The following FUBP1 variants were observed in gnomAD, a reference collection of about 807,000 sequenced individuals.
FUBP1 encodes far upstream element binding protein 1.
A neutral mutation model predicts 94.9 loss-of-function variants in FUBP1; 16 were observed. That is an observed-to-expected ratio of 0.17 (90% CI 0.11 to 0.26). The LOEUF is 0.26. FUBP1 is among the 10% of genes least tolerant of loss of function. The pLI is 1.00. For synonymous variants in FUBP1, 279 were observed against 254.9 expected, an observed-to-expected ratio of 1.09 and a Z score of -0.90; for missense variants, 583 against 808.6, an observed-to-expected ratio of 0.72 and a Z score of 3.38.
At chr1:77,949,123 T>A in intron 19 of FUBP1, 32 bp downstream of exon 19, 1 of 1,587,624 alleles carries the variant, frequency 6.3e-7, no homozygotes, top group Non-Finnish European at 8.6e-7. Flanking sequence ...CAGACTGGAG[T>A]AGAAATCAAC....
rs60897865 is a variant in FUBP1, at chr1:77,948,625, C to CAAAAA, written c.*136_*140dup. 12 of 980,794 alleles carry CAAAAA rather than the reference C, an allele frequency of 1.2e-5. No individual in the cohort carries two copies. The highest frequency in any genetic ancestry group is 1.2e-4 in the African/African-American group (5 of 42,616). 60.8% of individuals were successfully genotyped at this position (980,794 alleles called of 1,614,324 possible). On this transcript the variant is annotated 3_prime_UTR_variant, in exon 20 of 20. Transcript: ENST00000370768. ...TAGTGATAGATATTTTGTACATTTT[C>CAAAAA]AAAAAAAAAAAAAAAAAAGGAAACA...
In FUBP1 at chr1:77,949,005, C is replaced by A. The variant is rs370810484; in HGVS notation, c.1926+150G>T. ...GAAAGCATTATAAAAAACAAAAAAA[C>A]CCAAACAATACACCGTAGTACTTCA... On this transcript the variant is annotated intron_variant, in intron 19 of 19. Transcript: ENST00000370768. 1.2e-5 allele frequency: 11 copies of A among 943,768 alleles called. No individual in the cohort carries two copies. The East Asian group carries it at 2.8e-4, about 24-fold the overall frequency. The allele number at this position is 943,768 out of a possible 1,614,324, so 58.5% of individuals were successfully genotyped here. A position where few individuals can be genotyped will look rare whatever the true frequency, so the allele number is the denominator to read the frequency against.
chr1:77,970,205 C>G (rs890163161), intron 1 of FUBP1, among the ~76,000 whole-genome samples, 190 bp from the exon 2 acceptor site: 1 of 152,086 alleles, frequency 6.6e-6, no homozygotes, highest in Non-Finnish European at 1.5e-5. Context: ...ACATAATAAT[C>G]ATAAGATTAT....
intron 18 of FUBP1, 114 bp downstream of exon 18, chr1:77,955,141 C>A: frequency 3.5e-6 from 2 of 571,048 alleles, no homozygotes; most frequent in East Asian, 3.2e-5. Context: ...TAATTTACAA[C>A]TGTCTTGATA....
intron 19 of FUBP1, 125 bp from the exon 20 acceptor site, chr1:77,948,899 C>T (rs1248816805): frequency 1.5e-6 from 2 of 1,321,190 alleles, no homozygotes; most frequent in Non-Finnish European, 2.1e-6. Context: ...TGGCTTCTTG[C>T]ATGATTTGCA....
At chr1:77,948,937 T>A in intron 19 of FUBP1, 163 bp from the exon 20 acceptor site, 1 of 1,105,254 alleles carries the variant, frequency 9.0e-7, no homozygotes, top group Non-Finnish European at 1.4e-6. Context: ...AATTTATTTT[T>A]AAAATCAAAG....
intron 16 of FUBP1, among the ~76,000 whole-genome samples, chr1:77,958,165 A>G (rs912071090): frequency 2.0e-5 from 3 of 152,208 alleles, no homozygotes; most frequent in Admixed American, 2.0e-4. Context: ...TTGAGATAAA[A>G]CAGACTTTAG....
At chr1:77,967,396 AC>A (rs1264827258) in intron 4 of FUBP1, among the ~76,000 whole-genome samples, 2 of 152,166 alleles carry the variant, frequency 1.3e-5, no homozygotes, top group East Asian at 3.8e-4. Context: ...ACTCTAATTC[AC>A]CCCTGTTCTT....
In FUBP1 at chr1:77,964,145, C is replaced by G. The variant is rs774448594; in HGVS notation, c.958G>C (p.Glu320Gln). The G allele has an allele frequency of 1.2e-6, 2 of 1,606,640 alleles. No individual in the cohort carries two copies. Among genetic ancestry groups the G allele is most frequent in the Non-Finnish European group, 1.7e-6 (2 of 1,173,156 alleles). ...QFKPDDGTTP[E>Q]RIAQITGPPD... is the part of the protein sequence containing the mutation. ...GGTCCTGTTATTTGTGCTATCCTTT[C>G]GGGTGTTGTCCCATCATCTTCAAAA... is the stretch of plus-strand genomic sequence containing the variant. The change falls in exon 12 of 20, where the codon GAA becomes CAA. Residue 320 changes from glutamate (E) to glutamine (Q), a missense_variant. Physicochemically the swap from Glu to Gln is conservative, Grantham distance 29 (BLOSUM62 2). Transcript: ENST00000370768.
At chr1:77,960,029 C>G (rs888184810) in intron 16 of FUBP1, among the ~76,000 whole-genome samples, 155 bp downstream of exon 16, 1 of 152,178 alleles carries the variant, frequency 6.6e-6, no homozygotes, top group African/African-American at 2.4e-5. Flanking sequence ...CATGTCAGTC[C>G]TATACACTGG....
chr1:77,959,708 A>G (rs1254811374), intron 16 of FUBP1, among the ~76,000 whole-genome samples: 1 of 152,036 alleles, frequency 6.6e-6, no homozygotes, highest in African/African-American at 2.4e-5. Flanking sequence ...ATTTAAAACA[A>G]ATTTTTTTAG....
At chr1:77,959,523 T>A (rs1291301204) in intron 16 of FUBP1, among the ~76,000 whole-genome samples, 1 of 152,116 alleles carries the variant, frequency 6.6e-6, no homozygotes, top group African/African-American at 2.4e-5. Flanking sequence ...GTTATATATA[T>A]ATATTTATAT....
At position 77,960,514 on chromosome 1, in the gene FUBP1, C is replaced by G. The variant is rs1348964989; in HGVS notation, c.1345-19G>C. The stretch of plus-strand genomic sequence containing the variant: ...CTGGGCCCTACAAAAAAAAGGATGA[C>G]ATAGAAAAATCAGAAAAACACAGTA... On this transcript the variant is annotated intron_variant, in intron 14 of 19. Transcript: ENST00000370768. 6.3e-7 allele frequency: 1 copy of G among 1,586,170 alleles called. No homozygotes were observed. Among genetic ancestry groups the G allele is most frequent in the Non-Finnish European group, 8.6e-7 (1 of 1,166,614 alleles).
intron 16 of FUBP1, among the ~76,000 whole-genome samples, 185 bp downstream of exon 16, chr1:77,959,999 A>G (rs931434891): frequency 9.9e-5 from 15 of 152,230 alleles, no homozygotes; most frequent in Admixed American, 6.5e-5. Context: ...AAGAAATTCC[A>G]TAAAAGCAGA....
At chr1:77,978,798 T>G in intron 1 of FUBP1, 87 bp downstream of exon 1, 5 of 1,500,030 alleles carry the variant, frequency 3.3e-6, no homozygotes, top group Non-Finnish European at 4.6e-6. Context: ...TCTTTCCTCT[T>G]CCTCATGCGC....
At chr1:77,973,463 C>T (rs1168346308) in intron 1 of FUBP1, among the ~76,000 whole-genome samples, 2 of 151,312 alleles carry the variant, frequency 1.3e-5, no homozygotes, top group African/African-American at 4.9e-5. Context: ...CCAGGCTGGT[C>T]TTGAACTCCT....
At chr1:77,966,064 A>T (rs1458393089) in intron 7 of FUBP1, among the ~76,000 whole-genome samples, 2 of 152,248 alleles carry the variant, frequency 1.3e-5, no homozygotes, top group Non-Finnish European at 2.9e-5. Context: ...CTAACAATGC[A>T]GAAGAAAGTA....
chr1:77,948,555 C>A lies in FUBP1; in HGVS notation c.*211G>T. ...GTACATCTACACTAAATACTAAAAA[C>A]AAACCAATTTTCATTTCTACACAGA... On this transcript the variant is annotated 3_prime_UTR_variant, in exon 20 of 20. Coordinates refer to ENST00000370768, the MANE Select transcript of FUBP1 (RefSeq NM_003902.5). The A allele has an allele frequency of 1.5e-6, 2 of 1,299,108 alleles. No individual in the cohort carries two copies. The allele number at this position is 1,299,108 out of a possible 1,614,324, so 80.5% of individuals were successfully genotyped here.
chr1:77,947,630 CAA>C lies in FUBP1; in HGVS notation c.*1134_*1135del, dbSNP rs777654029. 7.3e-5 allele frequency: 65 copies of C among 887,030 alleles called. No individual in the cohort carries two copies. The highest frequency in any genetic ancestry group is 4.8e-4 in the African/African-American group (29 of 59,794). The allele number at this position is 887,030 out of a possible 1,614,324, so 54.9% of individuals were successfully genotyped here. A position where few individuals can be genotyped will look rare whatever the true frequency, so the allele number is the denominator to read the frequency against. ...AATATGCAAAGAGCCAACAAATATG[CAA>C]AGAGTAAAACAATGGATTTCAACAA... On this transcript the variant is annotated 3_prime_UTR_variant, in exon 20 of 20. Transcript: ENST00000370768.
Sources: gnomAD v4.1 joint callset for allele counts (sites outside exome capture counted in the v4.1 genomes callset) on GRCh38, gnomAD v4.1.1 for gene constraint, MANE v1.5 for transcripts, NCBI Gene and HGNC (gene_info 2026-07-23, HGNC 2026-07-21) for gene names.